PPM1E: variants seen among roughly 807,000 people sequenced by gnomAD.
PPM1E encodes the protein protein phosphatase 1E.
Under a neutral mutation model 65.9 loss-of-function variants are expected in PPM1E, and 20 were observed. The observed-to-expected ratio is 0.30, with a 90% confidence interval of 0.21 to 0.44. The LOEUF is 0.44. Among genes scored for constraint, PPM1E ranks in the 20% least tolerant of loss-of-function variants. PPM1E has a pLI of 1.00. For missense variants in PPM1E, 713 were observed against 953.1 expected (o/e 0.75, Z 3.32); for synonymous variants, 352 against 374.9 (o/e 0.94, Z 0.70).
At chr17:58,939,187 T>C (rs2052030065) in intron 1 of PPM1E, among the ~76,000 whole-genome samples, 2 of 152,206 alleles carry the variant, frequency 1.3e-5, no homozygotes, top group South Asian at 2.1e-4. Context: ...TAAAATAATT[T>C]GTGTAAGTAA....
intron 2 of PPM1E, among the ~76,000 whole-genome samples, chr17:58,965,212 GT>G: frequency 6.6e-6 from 1 of 152,210 alleles, no homozygotes; most frequent in Admixed American, 6.5e-5. Flanking sequence ...TATTTCTGTA[GT>G]TTGTGGGCTG....
At position 58,923,495 on chromosome 17, in the gene PPM1E, C is replaced by T. The variant is rs142655390; in HGVS notation, c.465-32154C>T. ...GCATAGTGGCTCACGCCTGTAATCC[C>T]AGCACTTTGGGAGGCCAAGGTGGAC... On this transcript the variant is annotated intron_variant, in intron 1 of 6. Coordinates refer to ENST00000308249, the MANE Select transcript of PPM1E (RefSeq NM_014906.5). 7.1e-3 allele frequency among the ~76,000 whole-genome samples: 1,080 copies of T among 151,830 alleles called. 5 individuals are homozygous for T. Among genetic ancestry groups the T allele is most frequent in the Non-Finnish European group, 0.013 (867 of 67,932 alleles).
chr17:58,862,593 A>G (rs180783545), intron 1 of PPM1E, among the ~76,000 whole-genome samples: 1 of 152,242 alleles, frequency 6.6e-6, no homozygotes, highest in East Asian at 1.9e-4. Context: ...TAATTGTCCT[A>G]CCTTGAAGGG....
intron 1 of PPM1E, among the ~76,000 whole-genome samples, chr17:58,811,523 G>A (rs2050367969): frequency 6.6e-6 from 1 of 152,046 alleles, no homozygotes; most frequent in Admixed American, 6.6e-5. Flanking sequence ...AACAGAAGTG[G>A]TAGAAAAAAA....
chr17:58,763,110 C>A (rs1046197297), intron 1 of PPM1E, among the ~76,000 whole-genome samples: 1 of 152,022 alleles, frequency 6.6e-6, no homozygotes, highest in Non-Finnish European at 1.5e-5. Flanking sequence ...TTAATACTGA[C>A]TGCTCTAATG....
At chr17:58,955,965 T>C (rs1055289886) in intron 2 of PPM1E, among the ~76,000 whole-genome samples, 198 bp downstream of exon 2, 1 of 152,124 alleles carries the variant, frequency 6.6e-6, no homozygotes, top group African/African-American at 2.4e-5. Context: ...AATACATGTG[T>C]ATTTTGAAAA....
chr17:58,778,927 C>CATATATATATAT (rs59563297), intron 1 of PPM1E, among the ~76,000 whole-genome samples: 1,543 of 103,492 alleles, frequency 0.015, 45 homozygotes, highest in Non-Finnish European at 0.018. Context: ...ATGATACATA[C>CATATATATATAT]ATATATATAT....
intron 1 of PPM1E, among the ~76,000 whole-genome samples, chr17:58,783,376 C>G (rs2050067539): frequency 6.6e-6 from 1 of 152,116 alleles, no homozygotes; most frequent in African/African-American, 2.4e-5. Flanking sequence ...GCATTTATGA[C>G]AAAGGGAATT....
rs1436059493 is a variant in PPM1E at position 58,984,399 on chromosome 17, C to T, written c.*3368C>T. The stretch of plus-strand genomic sequence containing the variant: ...AAAACTGCTGTGGTTCAAGTGCTTC[C>T]TTCCCCATCAAATCCTTGATAAGGC... On this transcript the variant is annotated 3_prime_UTR_variant, in exon 7 of 7. Transcript: ENST00000308249. The T allele has an allele frequency of 6.6e-6, 1 of 152,650 alleles. No individual in the cohort carries two copies. Among genetic ancestry groups the T allele is most frequent in the Non-Finnish European group, 1.5e-5 (1 of 68,034 alleles). 9.5% of individuals were successfully genotyped at this position (152,650 alleles called of 1,614,324 possible).
intron 1 of PPM1E, among the ~76,000 whole-genome samples, chr17:58,801,695 C>T (rs1024803936): frequency 6.6e-6 from 1 of 151,922 alleles, no homozygotes; most frequent in East Asian, 1.9e-4. Context: ...TCTGCCTCAA[C>T]CTCCCAAAGT....
In PPM1E at chr17:58,947,437, A is replaced by G. The variant is rs184811238; in HGVS notation, c.465-8212A>G. On this transcript the variant is annotated intron_variant, in intron 1 of 6. Coordinates refer to ENST00000308249, the MANE Select transcript of PPM1E (RefSeq NM_014906.5). ...TTTTTGGTAGAGACAGGGTTTCACC[A>G]TGTTAGCCAGGCTGGTCTTGAATTC... 6.5e-3 allele frequency among the ~76,000 whole-genome samples: 976 copies of G among 150,576 alleles called. 12 individuals are homozygous for G. The highest frequency in any genetic ancestry group is 0.017 in the South Asian group (82 of 4,752).
chr17:58,961,064 CAT>C (rs900509853), intron 2 of PPM1E, among the ~76,000 whole-genome samples: 9 of 151,972 alleles, frequency 5.9e-5, no homozygotes, highest in African/African-American at 2.2e-4. Flanking sequence ...GAAAAATAAA[CAT>C]AAAACTACCC....
At chr17:58,802,410 T>A (rs1195554764) in intron 1 of PPM1E, among the ~76,000 whole-genome samples, 1 of 152,226 alleles carries the variant, frequency 6.6e-6, no homozygotes, top group Non-Finnish European at 1.5e-5. Context: ...TTTATGCCAG[T>A]GCCATACTGC....
intron 1 of PPM1E, among the ~76,000 whole-genome samples, chr17:58,839,442 C>T (rs1248866403): frequency 1.3e-5 from 2 of 152,088 alleles, no homozygotes; most frequent in Non-Finnish European, 2.9e-5. Flanking sequence ...AACAACCTCA[C>T]CGAAGGGATG....
Position 58,984,688 on chromosome 17 carries a change from A to G in PPM1E, c.*3657A>G, listed in dbSNP as rs1026782137. 9 of 152,666 alleles carry G rather than the reference A, an allele frequency of 5.9e-5. No homozygotes were observed. The highest frequency in any genetic ancestry group is 2.2e-4 in the African/African-American group (9 of 41,470). 9.5% of individuals were successfully genotyped at this position (152,666 alleles called of 1,614,324 possible). A position where few individuals can be genotyped will look rare whatever the true frequency, so the allele number is the denominator to read the frequency against. ...AATGTCTCTTGCAAAACAAAGTAAG[A>G]TACCACCAGTATTACAACACAATGA... On this transcript the variant is annotated 3_prime_UTR_variant, in exon 7 of 7. Coordinates refer to ENST00000308249, the MANE Select transcript of PPM1E (RefSeq NM_014906.5).
Position 58,756,362 on chromosome 17 carries a change from C to A in PPM1E, c.365C>A (p.Pro122Gln), listed in dbSNP as rs936724323. 3.6e-5 allele frequency: 49 copies of A among 1,376,816 alleles called. No individual in the cohort carries two copies. Among genetic ancestry groups the A allele is most frequent in the Non-Finnish European group, 4.0e-5 (43 of 1,067,786 alleles). 85.3% of individuals were successfully genotyped at this position (1,376,816 alleles called of 1,614,324 possible). ...GTGCCGCCGCCGCCGCCCCAGCTGCCGCCTTTGCCCCCGCTCCCGCGACCG... is the reference window on the plus strand; with the variant it reads ...GTGCCGCCGCCGCCGCCCCAGCTGCAGCCTTTGCCCCCGCTCCCGCGACCG... ...SAVPPPPPQL[P>Q]PLPPLPRPLS... The change falls in exon 1 of 7, where the codon CCG becomes CAG. Residue 122 changes from proline to glutamine, a missense_variant. Physicochemically the swap from Pro to Gln is moderately conservative, Grantham distance 76. Transcript: ENST00000308249.
chr17:58,876,659 G>A (rs888487816), intron 1 of PPM1E, among the ~76,000 whole-genome samples: 2 of 152,158 alleles, frequency 1.3e-5, no homozygotes, highest in Non-Finnish European at 2.9e-5. Flanking sequence ...TAAATCAGAA[G>A]ACTGACGATA....
intron 1 of PPM1E, among the ~76,000 whole-genome samples, chr17:58,912,552 G>A (rs767100553): frequency 6.6e-6 from 1 of 152,174 alleles, no homozygotes. Context: ...GTAGGAGATG[G>A]TCAGTGTGAC....
At chr17:58,815,261 G>C (rs1263380718) in intron 1 of PPM1E, among the ~76,000 whole-genome samples, 5 of 152,182 alleles carry the variant, frequency 3.3e-5, no homozygotes, top group Non-Finnish European at 5.9e-5. Context: ...CATTGTGTTA[G>C]CAGTCTTAAC....
Sources: allele counts gnomAD v4.1 joint callset (sites outside exome capture counted in the v4.1 genomes callset), GRCh38; gene constraint gnomAD v4.1.1; transcripts MANE v1.5; gene names NCBI Gene and HGNC (gene_info 2026-07-23, HGNC 2026-07-21).